EXOSC3: variants seen among roughly 807,000 people sequenced by gnomAD.
EXOSC3 encodes exosome component 3.
In EXOSC3, 18 loss-of-function variants were observed where a neutral mutation model predicts 25.1. That is an observed-to-expected ratio of 0.72 (90% CI 0.50 to 1.06). The LOEUF is 1.06. EXOSC3 is among the 50% of genes least tolerant of loss of function. EXOSC3 has a pLI of 0.00. For synonymous variants in EXOSC3, 165 were observed against 132.2 expected (o/e 1.25, Z -1.70); for missense variants, 382 against 350.9 (o/e 1.09, Z -0.71).
rs1159210845 is a variant in EXOSC3 at position 37,784,830 on chromosome 9, C to G, written c.215G>C (p.Arg72Pro). Residue 72 changes from arginine to proline, a missense_variant, in exon 1 of 4, where the codon CGG becomes CCG. Physicochemically the swap from Arg to Pro is moderately radical, Grantham distance 103 (BLOSUM62 -2). Coordinates refer to ENST00000327304, the MANE Select transcript of EXOSC3 (RefSeq NM_016042.4). ...RVRVVCGPGL[R>P]RCGDRLLVTK... is the part of the protein sequence containing the mutation. ...GACCAGCAGGCGGTCCCCACAGCGCCGAAGGCCCGGACCGCATACAACGCG... is the reference window on the plus strand; with the variant it reads ...GACCAGCAGGCGGTCCCCACAGCGCGGAAGGCCCGGACCGCATACAACGCG... The G allele has an allele frequency of 1.9e-6, 3 of 1,608,316 alleles. No homozygotes were observed.
At chr9:37,783,170 A>G (rs1828632747) in intron 2 of EXOSC3, among the ~76,000 whole-genome samples, 1 of 152,144 alleles carries the variant, frequency 6.6e-6, no homozygotes, top group Non-Finnish European at 1.5e-5. Context: ...TAGATTTTGG[A>G]GAATCTTGTC....
Sources: gnomAD v4.1 joint callset for allele counts (sites outside exome capture counted in the v4.1 genomes callset) on GRCh38, gnomAD v4.1.1 for gene constraint, MANE v1.5 for transcripts, NCBI Gene and HGNC (gene_info 2026-07-23, HGNC 2026-07-21) for gene names.